TMEM135: variants seen among roughly 807,000 people sequenced by gnomAD.
TMEM135 encodes the protein transmembrane protein 135.
A neutral mutation model predicts 60.3 loss-of-function variants in TMEM135; 30 were observed. That is an observed-to-expected ratio of 0.50 (90% CI 0.37 to 0.68). The LOEUF (loss-of-function observed/expected upper bound fraction) is 0.68, where lower values mean the gene tolerates loss of function less well. TMEM135 is among the 30% of genes least tolerant of loss of function. The probability of loss-of-function intolerance (pLI) is 0.00; values close to 1 mark genes in which losing one functional copy is unlikely to be tolerated. For synonymous variants in TMEM135, 190 were observed against 186.7 expected, an observed-to-expected ratio of 1.02 and a Z score of -0.14; for missense variants, 468 against 548.8, an observed-to-expected ratio of 0.85 and a Z score of 1.47.
chr11:87,086,639 A>G (rs1857102368), intron 3 of TMEM135, among the ~76,000 whole-genome samples: 1 of 151,804 alleles, frequency 6.6e-6, no homozygotes, highest in Non-Finnish European at 1.5e-5. Flanking sequence ...GTTTGTGAGT[A>G]TGCAAAAAAG....
rs10501635 is a variant in TMEM135, at chr11:87,326,296, A to G, written c.*4963A>G. On this transcript the variant is annotated 3_prime_UTR_variant, in exon 15 of 15. Coordinates refer to ENST00000305494, the MANE Select transcript of TMEM135 (RefSeq NM_022918.4). Reference sequence around the variant, plus strand: ...TCTGTCTTGAGAGATTCAGGCTTCCATAAAGTAGACCTGTAGACCTATGTT... The same window carrying G: ...TCTGTCTTGAGAGATTCAGGCTTCCGTAAAGTAGACCTGTAGACCTATGTT... 2.2e-6 allele frequency: 1 copy of G among 453,914 alleles called. No individual in the cohort carries two copies. Among genetic ancestry groups the G allele is most frequent in the Non-Finnish European group, 4.4e-6 (1 of 226,760 alleles). The allele number at this position is 453,914 out of a possible 1,614,324, so 28.1% of individuals were successfully genotyped here.
intron 1 of TMEM135, among the ~76,000 whole-genome samples, chr11:87,039,720 A>T (rs1949734731): frequency 6.6e-6 from 1 of 152,242 alleles, no homozygotes; most frequent in Non-Finnish European, 1.5e-5. Context: ...ACTATAGAAA[A>T]GATTGTTCCT....
Position 87,324,719 on chromosome 11 carries a change from C to T in TMEM135, c.*3386C>T, listed in dbSNP as rs976489504. 1.1e-5 allele frequency: 5 copies of T among 453,742 alleles called. No homozygotes were observed. Among genetic ancestry groups the T allele is most frequent in the African/African-American group, 4.0e-5 (2 of 49,908 alleles). The allele number at this position is 453,742 out of a possible 1,614,324, so 28.1% of individuals were successfully genotyped here. A position where few individuals can be genotyped will look rare whatever the true frequency, so the allele number is the denominator to read the frequency against. ...ACTCTGGGATTCCAGGTGTGAGCCA[C>T]GGTACCTAGCCATATTTTTATTTGT... is the stretch of plus-strand genomic sequence containing the variant. On this transcript the variant is annotated 3_prime_UTR_variant, in exon 15 of 15. Transcript: ENST00000305494.
chr11:87,276,910 G>T (rs1261297686), intron 6 of TMEM135, among the ~76,000 whole-genome samples: 2 of 151,670 alleles, frequency 1.3e-5, no homozygotes, highest in Non-Finnish European at 2.9e-5. Context: ...GACCTCAGTT[G>T]GTCCGCCTGC....
At chr11:87,115,237 A>G (rs1193603376) in intron 4 of TMEM135, among the ~76,000 whole-genome samples, 1 of 152,208 alleles carries the variant, frequency 6.6e-6, no homozygotes, top group Admixed American at 6.5e-5. Flanking sequence ...AAACTATGTC[A>G]TAATGCTCAA....
chr11:87,173,755 T>C (rs1939300484), intron 5 of TMEM135, among the ~76,000 whole-genome samples: 2 of 152,200 alleles, frequency 1.3e-5, no homozygotes, highest in African/African-American at 2.4e-5. Flanking sequence ...TAGTTGATAA[T>C]AAAAGACAGA....
chr11:87,263,775 T>G (rs568637687), intron 6 of TMEM135, among the ~76,000 whole-genome samples: 57 of 152,190 alleles, frequency 3.7e-4, no homozygotes, highest in Non-Finnish European at 4.4e-5. Context: ...GTAGCTTTTC[T>G]TAGATCACAC....
chr11:87,225,931 C>A (rs1208378491), intron 5 of TMEM135, among the ~76,000 whole-genome samples: 1 of 151,908 alleles, frequency 6.6e-6, no homozygotes, highest in African/African-American at 2.4e-5. Flanking sequence ...TGTTTTATTC[C>A]TCCTCTTTTC....
chr11:87,073,073 G>A (rs971533134), intron 3 of TMEM135, among the ~76,000 whole-genome samples: 3 of 151,986 alleles, frequency 2.0e-5, no homozygotes, highest in South Asian at 2.1e-4. Flanking sequence ...GTCTCACTCC[G>A]TCTCTAGGCT....
chr11:87,227,172 T>C (rs765887348), intron 5 of TMEM135, among the ~76,000 whole-genome samples: 3 of 152,120 alleles, frequency 2.0e-5, no homozygotes, highest in Non-Finnish European at 4.4e-5. Flanking sequence ...AATTTTATTT[T>C]CTTGGTGTAT....
At chr11:87,228,904 GT>G (rs1460775519) in intron 5 of TMEM135, among the ~76,000 whole-genome samples, 1 of 152,040 alleles carries the variant, frequency 6.6e-6, no homozygotes, top group African/African-American at 2.4e-5. Flanking sequence ...TTGTGATTTT[GT>G]TTCTTTGCTA....
chr11:87,066,700 T>C (rs1379044806), intron 1 of TMEM135, among the ~76,000 whole-genome samples: 1 of 151,864 alleles, frequency 6.6e-6, no homozygotes, highest in East Asian at 1.9e-4. Context: ...GATAAACTTC[T>C]GCAGTCTTTT....
intron 6 of TMEM135, among the ~76,000 whole-genome samples, chr11:87,255,676 C>T (rs1182499955): frequency 6.6e-6 from 1 of 151,598 alleles, no homozygotes; most frequent in Admixed American, 6.6e-5. Flanking sequence ...AAAGTATCTA[C>T]AAGCAATTTA....
intron 5 of TMEM135, among the ~76,000 whole-genome samples, chr11:87,222,916 A>G (rs1282158731): frequency 6.6e-6 from 1 of 152,200 alleles, no homozygotes; most frequent in African/African-American, 2.4e-5. Flanking sequence ...AACTCTATTC[A>G]ACATCGTTAC....
Position 87,161,150 on chromosome 11 carries a change from C to T in TMEM135, c.462+3744C>T, listed in dbSNP as rs542377434. ...CTTGACCTCGTGATCTGCCCTCTTC[C>T]GCCTCCCAAAGTGTTGGAATTACAG... On this transcript the variant is annotated intron_variant, in intron 5 of 14. Coordinates refer to ENST00000305494, the MANE Select transcript of TMEM135 (RefSeq NM_022918.4). Among the ~76,000 whole-genome samples the T allele has an allele frequency of 2.0e-5, 3 of 152,192 alleles. No individual in the cohort carries two copies. In the South Asian group the frequency reaches 6.2e-4, roughly 32 times the overall value.
intron 1 of TMEM135, among the ~76,000 whole-genome samples, chr11:87,040,107 G>A (rs899304283): frequency 1.2e-4 from 19 of 152,160 alleles, no homozygotes; most frequent in Non-Finnish European, 7.3e-5. Flanking sequence ...CGGTAGTTGT[G>A]AAATAAAATT....
chr11:87,187,382 T>C (rs913616087), intron 5 of TMEM135, among the ~76,000 whole-genome samples: 7 of 152,314 alleles, frequency 4.6e-5, no homozygotes, highest in East Asian at 1.9e-4. Context: ...AAACAGGGAA[T>C]GGAGAAATAG....
At chr11:87,193,061 G>A (rs1939852431) in intron 5 of TMEM135, among the ~76,000 whole-genome samples, 1 of 152,120 alleles carries the variant, frequency 6.6e-6, no homozygotes, top group South Asian at 2.1e-4. Context: ...GTTGCAGTGA[G>A]CTGAGATTGC....
At position 87,306,000 on chromosome 11, in the gene TMEM135, A is replaced by G. The variant is rs767603063; in HGVS notation, c.763A>G (p.Ile255Val). ...HYEDNCISYC[I>V]KGFIRMFSVG... ...TGAAGATAATTGCATCTCTTATTGCATTAAAGTAAGTATATGAAAGTATGT... is the reference window on the plus strand; with the variant it reads ...TGAAGATAATTGCATCTCTTATTGCGTTAAAGTAAGTATATGAAAGTATGT... The change falls in exon 9 of 15, where the codon ATT becomes GTT. Residue 255 changes from isoleucine to valine, a missense_variant. By Grantham distance (29) the Ile-to-Val change is conservative. Transcript: ENST00000305494. The G allele has an allele frequency of 6.3e-7, 1 of 1,591,358 alleles. No individual in the cohort carries two copies. The highest frequency in any genetic ancestry group is 8.6e-7 in the Non-Finnish European group (1 of 1,165,282).
Sources: gnomAD v4.1 joint callset for allele counts (sites outside exome capture counted in the v4.1 genomes callset) on GRCh38, gnomAD v4.1.1 for gene constraint, MANE v1.5 for transcripts, NCBI Gene and HGNC (gene_info 2026-07-23, HGNC 2026-07-21) for gene names.